Variants in TSC22D1 observed in about 807,000 individuals in gnomAD.
TSC22D1 encodes the protein TSC22 domain family member 1.
A neutral mutation model predicts 74.2 loss-of-function variants in TSC22D1; 9 were observed. The ratio of observed to expected loss-of-function variants is 0.12; its 90% CI spans 0.07 to 0.21. The LOEUF (loss-of-function observed/expected upper bound fraction) is 0.21. Ranked by LOEUF, TSC22D1 falls within the 10% of genes least tolerant of loss-of-function variation. TSC22D1 has a pLI of 1.00. For missense variants in TSC22D1, 1,427 were observed against 1,304.7 expected, an observed-to-expected ratio of 1.09 and a Z score of -1.44; for synonymous variants, 586 against 492.5, an observed-to-expected ratio of 1.19 and a Z score of -2.51.
intron 1 of TSC22D1, chr13:44,436,617 T>C: frequency 6.2e-7 from 1 of 1,606,860 alleles, no homozygotes; most frequent in South Asian, 1.1e-5. Flanking sequence ...GTCTACACCA[T>C]TGGGATTTCA....
intron 1 of TSC22D1, among the ~76,000 whole-genome samples, chr13:44,442,354 C>T (rs1875269549): frequency 6.6e-6 from 1 of 152,062 alleles, no homozygotes; most frequent in African/African-American, 2.4e-5. Flanking sequence ...CCAGATATGA[C>T]AAAGATGATT....
At chr13:44,498,240 A>G (rs1484989056) in intron 1 of TSC22D1, among the ~76,000 whole-genome samples, 3 of 152,032 alleles carry the variant, frequency 2.0e-5, no homozygotes, top group Admixed American at 2.0e-4. Context: ...TGAGGCTACA[A>G]TGAGCTGTGA....
At chr13:44,571,785 A>T (rs1045220932) in intron 1 of TSC22D1, among the ~76,000 whole-genome samples, 3 of 152,186 alleles carry the variant, frequency 2.0e-5, no homozygotes. Flanking sequence ...ATAATACAGA[A>T]TACATTTGGT....
chr13:44,434,480 G>A lies in TSC22D1; in HGVS notation c.*146C>T. 10 of 1,387,640 alleles carry A rather than the reference G, an allele frequency of 7.2e-6. No individual in the cohort carries two copies. The East Asian group carries it at 8.1e-5, about 11-fold the overall frequency. 86.0% of individuals were successfully genotyped at this position (1,387,640 alleles called of 1,614,324 possible). ...ATAAGCATATGAGTGTTTAATACTG[G>A]AAAAGAGATAATGGCATATGTCAGT... On this transcript the variant is annotated 3_prime_UTR_variant, in exon 3 of 3. Transcript: ENST00000458659.
chr13:44,564,696 G>GTT (rs1272389961), intron 1 of TSC22D1, among the ~76,000 whole-genome samples: 1 of 152,176 alleles, frequency 6.6e-6, no homozygotes, highest in Non-Finnish European at 1.5e-5. Flanking sequence ...TTCTGGCCAA[G>GTT]TAAGTTACCT....
chr13:44,574,113 T>C lies in TSC22D1; in HGVS notation c.1962A>G (p.Ser654=). The C allele has an allele frequency of 1.2e-6, 2 of 1,614,180 alleles. No homozygotes were observed. The highest frequency in any genetic ancestry group is 1.7e-6 in the Non-Finnish European group (2 of 1,179,956). ...GAATTGGCTGCTGTTGTACATACTC[T>C]GAAGCAGGATTTTGAGTCACTGATT... The part of the protein sequence containing the change: ...HVKSVTQNPA[S]EYVQQQPILQ... Residue 654 remains serine, a synonymous_variant, in exon 1 of 3, where the codon TCA becomes TCG. Transcript: ENST00000458659.
chr13:44,456,228 T>C (rs1003099375), intron 1 of TSC22D1, among the ~76,000 whole-genome samples: 14 of 152,276 alleles, frequency 9.2e-5, no homozygotes, highest in Non-Finnish European at 1.3e-4. Flanking sequence ...CAACAAAGCT[T>C]CCACGGCGGA....
chr13:44,455,304 C>G (rs1489933008), intron 1 of TSC22D1, among the ~76,000 whole-genome samples: 1 of 152,174 alleles, frequency 6.6e-6, no homozygotes, highest in African/African-American at 2.4e-5. Context: ...ATGCTGTATT[C>G]AAGAGACCCA....
chr13:44,500,582 T>C (rs1209005227), intron 1 of TSC22D1, among the ~76,000 whole-genome samples: 1 of 152,184 alleles, frequency 6.6e-6, no homozygotes, highest in African/African-American at 2.4e-5. Context: ...CTCACTTTCC[T>C]CACCACACCC....
chr13:44,436,697 A>G, intron 1 of TSC22D1: 1 of 1,529,226 alleles, frequency 6.5e-7, no homozygotes, highest in Non-Finnish European at 8.8e-7. Context: ...TAAGCTAGAT[A>G]AAATCTTCTG....
chr13:44,511,099 G>A (rs1032629318), intron 1 of TSC22D1, among the ~76,000 whole-genome samples: 8 of 151,968 alleles, frequency 5.3e-5, no homozygotes, highest in African/African-American at 1.2e-4. Context: ...TGGGCAACAC[G>A]GCAAAACCCT....
chr13:44,462,194 G>A (rs1595095891), intron 1 of TSC22D1, among the ~76,000 whole-genome samples: 2 of 152,070 alleles, frequency 1.3e-5, no homozygotes, highest in East Asian at 3.8e-4. Context: ...GTGACTCTGC[G>A]ATTACCCCCA....
At chr13:44,551,812 G>T (rs745306100) in intron 1 of TSC22D1, among the ~76,000 whole-genome samples, 1 of 151,802 alleles carries the variant, frequency 6.6e-6, no homozygotes, top group Non-Finnish European at 1.5e-5. Flanking sequence ...GAGTTGGGAG[G>T]AATGCTTGAG....
chr13:44,462,211 T>A (rs143932849), intron 1 of TSC22D1, among the ~76,000 whole-genome samples: 3 of 152,232 alleles, frequency 2.0e-5, no homozygotes, highest in African/African-American at 7.2e-5. Flanking sequence ...CCCACAAATA[T>A]ATTTGAATGT....
chr13:44,536,608 T>C (rs1881140997), intron 1 of TSC22D1: 1 of 454,220 alleles, frequency 2.2e-6, no homozygotes, highest in Admixed American at 6.4e-5. Context: ...TAATCAGCCA[T>C]TATTTTCAAA....
At position 44,436,103 on chromosome 13, in the gene TSC22D1, AGAG is replaced by A. The variant is rs766823212; in HGVS notation, c.2913-11_2913-9del. The stretch of plus-strand genomic sequence containing the variant: ...ACACTTGCACCAGAGGAGCTGAAAA[AGAG>A]GAGGGAAAAAGGTCATCGATAAATG... On this transcript the variant is annotated splice_polypyrimidine_tract_variant and intron_variant, in intron 1 of 2. Coordinates refer to ENST00000458659, the MANE Select transcript of TSC22D1 (RefSeq NM_183422.4). The A allele has an allele frequency of 8.9e-5, 143 of 1,610,840 alleles. No individual in the cohort carries two copies. The highest frequency in any genetic ancestry group is 4.0e-4 in the East Asian group (18 of 44,856).
chr13:44,540,244 CAG>C (rs1881385873), intron 1 of TSC22D1, among the ~76,000 whole-genome samples: 1 of 152,072 alleles, frequency 6.6e-6, no homozygotes, highest in Admixed American at 6.6e-5. Flanking sequence ...CTTTAAGGGA[CAG>C]GGAAAAGGCA....
At chr13:44,570,512 T>C (rs1043402969) in intron 1 of TSC22D1, among the ~76,000 whole-genome samples, 2 of 152,128 alleles carry the variant, frequency 1.3e-5, no homozygotes, top group Admixed American at 6.5e-5. Flanking sequence ...ACCTTTTAAA[T>C]AAGAATGATT....
At chr13:44,491,680 T>A (rs1878732954) in intron 1 of TSC22D1, among the ~76,000 whole-genome samples, 1 of 151,768 alleles carries the variant, frequency 6.6e-6, no homozygotes, top group South Asian at 2.1e-4. Context: ...AAAGGAAATA[T>A]GAACAGTTTA....
Sources: gnomAD v4.1 joint callset for allele counts (sites outside exome capture counted in the v4.1 genomes callset) on GRCh38, gnomAD v4.1.1 for gene constraint, MANE v1.5 for transcripts, NCBI Gene and HGNC (gene_info 2026-07-23, HGNC 2026-07-21) for gene names.